Variants in KIN observed in about 807,000 individuals in gnomAD.
KIN encodes DNA/RNA-binding protein KIN17.
Under a neutral mutation model 63.0 loss-of-function variants are expected in KIN, and 47 were observed. The observed-to-expected ratio is 0.75, with a 90% CI of 0.59 to 0.95. KIN has a LOEUF of 0.95. Ranked by LOEUF, KIN falls within the 40% of genes least tolerant of loss-of-function variation. The pLI, the probability that KIN is intolerant of heterozygous loss-of-function variation, is 0.00. For missense variants in KIN, 408 were observed against 460.9 expected, an observed-to-expected ratio of 0.89 and a Z score of 1.05; for synonymous variants, 160 against 157.7, an observed-to-expected ratio of 1.01 and a Z score of -0.11.
At chr10:7,783,321 G>A in intron 1 of KIN, 146 bp from the exon 2 acceptor site, 1 of 412,656 alleles carries the variant, frequency 2.4e-6, no homozygotes, top group Non-Finnish European at 4.3e-6. Flanking sequence ...ACTCTATCAG[G>A]TTTTCAAAAA....
At chr10:7,767,631 G>C (rs966165433) in intron 8 of KIN, among the ~76,000 whole-genome samples, 4 of 152,082 alleles carry the variant, frequency 2.6e-5, no homozygotes, top group African/African-American at 9.7e-5. Flanking sequence ...GCCGAAGCGG[G>C]TGGATCACCT....
chr10:7,783,101 C>T lies in KIN; in HGVS notation c.189G>A (p.Gln63=). The stretch of plus-strand genomic sequence containing the variant: ...CTTACTCTGAAAAATAATCCATAAA[C>T]TGCTGAGGATTTTCTGAAGCCAGCA... ...QLLLASENPQ[Q]FMDYFSEEFR... is the part of the protein sequence containing the mutation. Residue 63 remains glutamine, a synonymous_variant, in exon 2 of 13, where the codon CAG becomes CAA. Coordinates refer to ENST00000379562, the MANE Select transcript of KIN (RefSeq NM_012311.4). The T allele has an allele frequency of 6.3e-7, 1 of 1,599,054 alleles. No homozygotes were observed. Among genetic ancestry groups the T allele is most frequent in the Non-Finnish European group, 8.5e-7 (1 of 1,171,008 alleles).
In KIN at chr10:7,755,023, G is replaced by A. The variant is rs73628477; in HGVS notation, c.*1057C>T. On this transcript the variant is annotated 3_prime_UTR_variant, in exon 13 of 13. Transcript: ENST00000379562. ...GCAGGAGGATCACTTGAGCCCAGGA[G>A]TTTGACAGCAGCCTGGGCAACACAG... is the stretch of plus-strand genomic sequence containing the variant. 0.017 allele frequency: 2,599 copies of A among 152,474 alleles called. 85 individuals carry two copies. Among genetic ancestry groups the A allele is most frequent in the African/African-American group, 0.059 (2,450 of 41,550 alleles). The allele number at this position is 152,474 out of a possible 1,614,324, so 9.4% of individuals were successfully genotyped here.
intron 1 of KIN, 23 bp downstream of exon 1, chr10:7,787,797 G>A (rs1320391574): frequency 1.3e-6 from 2 of 1,559,078 alleles, no homozygotes; most frequent in African/African-American, 1.4e-5. Context: ...CTGGGAAGAC[G>A]GGGCCACTCC....
intron 7 of KIN, among the ~76,000 whole-genome samples, chr10:7,774,056 G>A (rs1458651759): frequency 6.6e-6 from 1 of 152,230 alleles, no homozygotes; most frequent in Non-Finnish European, 1.5e-5. Context: ...ACCCAGCCAT[G>A]CTCAGTTCCT....
chr10:7,786,741 C>G (rs1472080183), intron 1 of KIN, among the ~76,000 whole-genome samples: 2 of 152,190 alleles, frequency 1.3e-5, no homozygotes, highest in Admixed American at 1.3e-4. Context: ...TTCCCAGCCT[C>G]CAGAACTGTG....
In KIN at chr10:7,755,236, C is replaced by G. The variant is rs1478714239; in HGVS notation, c.*844G>C. The stretch of plus-strand genomic sequence containing the variant: ...ATTCACAATAGCCAAAAAGTAGAAA[C>G]AATCTAAATGTTTATCAGCTGATGA... On this transcript the variant is annotated 3_prime_UTR_variant, in exon 13 of 13. Coordinates refer to ENST00000379562, the MANE Select transcript of KIN (RefSeq NM_012311.4). 1.3e-5 allele frequency: 2 copies of G among 152,132 alleles called. No individual in the cohort carries two copies. The highest frequency in any genetic ancestry group is 2.9e-5 in the Non-Finnish European group (2 of 68,028). 9.4% of individuals were successfully genotyped at this position (152,132 alleles called of 1,614,324 possible). A position where few individuals can be genotyped will look rare whatever the true frequency, so the allele number is the denominator to read the frequency against.
Position 7,762,562 on chromosome 10 carries a change from A to G in KIN, c.919-6T>C, listed in dbSNP as rs1193695139. 3 of 1,538,118 alleles carry G rather than the reference A, an allele frequency of 2.0e-6. No individual in the cohort carries two copies. Among genetic ancestry groups the G allele is most frequent in the Non-Finnish European group, 2.7e-6 (3 of 1,114,844 alleles). Reference sequence around the variant, plus strand: ...GTATATTTGTCAATTACTTCCTGTCATGTAAAATGAACACTTTTATAATAG... The same window carrying G: ...GTATATTTGTCAATTACTTCCTGTCGTGTAAAATGAACACTTTTATAATAG... On this transcript the variant is annotated splice_region_variant and splice_polypyrimidine_tract_variant and intron_variant, in intron 10 of 12. Transcript: ENST00000379562.
chr10:7,780,206 C>T, intron 3 of KIN, 28 bp from the exon 4 acceptor site: 1 of 1,611,410 alleles, frequency 6.2e-7, no homozygotes, highest in Non-Finnish European at 8.5e-7. Context: ...CACTGATGAT[C>T]ATCAGAAGAT....
chr10:7,757,527 AAATT>A (rs1161740003), intron 12 of KIN, among the ~76,000 whole-genome samples: 5 of 103,100 alleles, frequency 4.8e-5, no homozygotes, highest in Admixed American at 3.2e-4. Context: ...AAATAAAATT[AAATT>A]AAATAAAATT....
chr10:7,768,175 T>G (rs1007868798), intron 8 of KIN, among the ~76,000 whole-genome samples: 2 of 152,176 alleles, frequency 1.3e-5, no homozygotes, highest in African/African-American at 4.8e-5. Flanking sequence ...ATCATGTACT[T>G]CCAATGATTT....
chr10:7,778,727 A>C, intron 5 of KIN, 111 bp downstream of exon 5: 1 of 1,133,334 alleles, frequency 8.8e-7, no homozygotes, highest in Non-Finnish European at 1.3e-6. Context: ...CGGCAGAGCA[A>C]GACTCCATCT....
At position 7,756,131 on chromosome 10, in the gene KIN, T is replaced by C; in HGVS notation, c.1131A>G (p.Lys377=). The C allele has an allele frequency of 6.3e-7, 1 of 1,579,384 alleles. No individual in the cohort carries two copies. The highest frequency in any genetic ancestry group is 8.6e-7 in the Non-Finnish European group (1 of 1,160,532). ...ATIVIETGPL[K]GRRVEGIQYE... ...ATTGAATTCCTTCAACTCTGCGTCC[T>C]TTTAAAGGGCCCTACAAATTAAAAT... Residue 377 remains lysine, a synonymous_variant, in exon 13 of 13, where the codon AAA becomes AAG. Transcript: ENST00000379562.
chr10:7,753,995 A>T lies in KIN; in HGVS notation c.*2085T>A, dbSNP rs1835283647. ...TATACCCATCCTCATGTTTGAAGTG[A>T]TCATCCTGGTATGGTCTGTTTTTTG... On this transcript the variant is annotated 3_prime_UTR_variant, in exon 13 of 13. Transcript: ENST00000379562. 3 of 455,626 alleles carry T rather than the reference A, an allele frequency of 6.6e-6. No individual in the cohort carries two copies. In the Admixed American group the frequency reaches 7.1e-5, roughly 11 times the overall value. The allele number at this position is 455,626 out of a possible 1,614,324, so 28.2% of individuals were successfully genotyped here. A position where few individuals can be genotyped will look rare whatever the true frequency, so the allele number is the denominator to read the frequency against.
At chr10:7,761,956 G>A (rs933571863) in intron 11 of KIN, among the ~76,000 whole-genome samples, 56 of 152,076 alleles carry the variant, frequency 3.7e-4, no homozygotes, top group Non-Finnish European at 1.2e-4. Flanking sequence ...AGTCAAGATC[G>A]TGCCGCCACA....
chr10:7,781,203 T>C (rs188887817), intron 2 of KIN, among the ~76,000 whole-genome samples: 30 of 152,204 alleles, frequency 2.0e-4, no homozygotes, highest in African/African-American at 7.2e-4. Flanking sequence ...GAAGGATAAG[T>C]AGAACCCTAG....
At chr10:7,768,554 T>C (rs1359280220) in intron 8 of KIN, among the ~76,000 whole-genome samples, 1 of 147,026 alleles carries the variant, frequency 6.8e-6, no homozygotes, top group Non-Finnish European at 1.5e-5. Flanking sequence ...AAAAAAAACA[T>C]GTCACAGGTT....
At chr10:7,774,954 A>G in intron 6 of KIN, 63 bp from the exon 7 acceptor site, 1 of 1,182,600 alleles carries the variant, frequency 8.5e-7, no homozygotes, top group South Asian at 1.2e-5. Flanking sequence ...AACTTCTCAG[A>G]TAAGATACTA....
chr10:7,763,699 C>T (rs2130993248), intron 10 of KIN, 24 bp downstream of exon 10: 1 of 1,327,250 alleles, frequency 7.5e-7, no homozygotes, highest in Non-Finnish European at 1.1e-6. Context: ...TTCACAAATT[C>T]CATTCATAAT....
Sources: gnomAD v4.1 joint callset for allele counts (sites outside exome capture counted in the v4.1 genomes callset) on GRCh38, gnomAD v4.1.1 for gene constraint, MANE v1.5 for transcripts, NCBI Gene and HGNC (gene_info 2026-07-23, HGNC 2026-07-21) for gene names.